Variants in POLN observed in about 807,000 individuals in gnomAD.
POLN encodes DNA polymerase nu, also known as DNA polymerase N.
Under a neutral mutation model 113.5 loss-of-function variants are expected in POLN, and 108 were observed. The ratio of observed to expected loss-of-function variants is 0.95; its 90% CI spans 0.81 to 1.12. The LOEUF (loss-of-function observed/expected upper bound fraction) is 1.12. Among genes scored for constraint, POLN ranks in the 50% most tolerant of loss-of-function variants. POLN has a pLI of 0.00. For synonymous variants in POLN, 386 were observed against 391.5 expected (o/e 0.99, Z 0.17); for missense variants, 1,097 against 1,077.1 (o/e 1.02, Z -0.26).
intron 16 of POLN, among the ~76,000 whole-genome samples, chr4:2,144,400 C>T (rs1732082445): frequency 6.6e-6 from 1 of 152,052 alleles, no homozygotes; most frequent in Non-Finnish European, 1.5e-5. Flanking sequence ...GCCTCAGCCT[C>T]CCCAAGTGCC....
intron 3 of POLN, among the ~76,000 whole-genome samples, chr4:2,213,608 G>A (rs1341982233): frequency 6.6e-6 from 1 of 152,182 alleles, no homozygotes; most frequent in Non-Finnish European, 1.5e-5. Flanking sequence ...CAGGCAATAG[G>A]ATTTGGGAGT....
At chr4:2,206,401 A>G (rs1733842570) in intron 5 of POLN, among the ~76,000 whole-genome samples, 1 of 152,256 alleles carries the variant, frequency 6.6e-6, no homozygotes, top group Non-Finnish European at 1.5e-5. Flanking sequence ...AATAGCTGGG[A>G]CTTAATTAAA....
chr4:2,156,580 C>T (rs961610136), intron 16 of POLN: 1 of 647,506 alleles, frequency 1.5e-6, no homozygotes, highest in Non-Finnish European at 2.8e-6. Flanking sequence ...AAGCCCCCCT[C>T]TTGCTAACTC....
At chr4:2,201,916 C>T (rs760787633) in intron 5 of POLN, among the ~76,000 whole-genome samples, 3 of 152,022 alleles carry the variant, frequency 2.0e-5, no homozygotes, top group South Asian at 2.1e-4. Context: ...TTGTATCCAA[C>T]GAAACTAAGC....
In POLN at chr4:2,129,174, C is replaced by T. The variant is rs969538141; in HGVS notation, c.1867+5G>A. The T allele has an allele frequency of 6.4e-6, 10 of 1,568,994 alleles. No homozygotes were observed. The highest frequency in any genetic ancestry group is 2.2e-5 in the East Asian group (1 of 44,592). On this transcript the variant is annotated splice_donor_5th_base_variant and intron_variant, in intron 18 of 25. Transcript: ENST00000511885. ...AAATGCATAAAGCAAGCTACAGCAA[C>T]GTACCTGCTGCTAGAAAGGTGTGGC...
intron 25 of POLN, 105 bp downstream of exon 25, chr4:2,072,863 C>A: frequency 4.0e-6 from 5 of 1,257,056 alleles, no homozygotes; most frequent in Non-Finnish European, 5.7e-6. Flanking sequence ...GTGGCCATCT[C>A]GGGGCTGGGG....
At chr4:2,082,588 G>A (rs576541005) in intron 21 of POLN, 2 of 152,288 alleles carry the variant, frequency 1.3e-5, no homozygotes, top group Admixed American at 1.3e-4. Flanking sequence ...ACTAGGTGTG[G>A]GTGGGAAATA....
chr4:2,186,399 T>C (rs993510880), intron 7 of POLN, among the ~76,000 whole-genome samples: 1 of 152,136 alleles, frequency 6.6e-6, no homozygotes, highest in East Asian at 1.9e-4. Context: ...GACCATGTTG[T>C]AGGAGGTACA....
In POLN at chr4:2,072,165, A is replaced by C; in HGVS notation, c.2652T>G (p.Pro884=). The C allele has an allele frequency of 6.2e-7, 1 of 1,611,966 alleles. No individual in the cohort carries two copies. The highest frequency in any genetic ancestry group is 8.5e-7 in the Non-Finnish European group (1 of 1,179,186). Residue 884 remains proline (P), a synonymous_variant, in exon 26 of 26, where the codon CCT becomes CCG. Transcript: ENST00000511885. ...PSNSLAAPGS[P]ASTQPPPLHF... ...GCAGGGGTGGGGGCTGGGTGCTGGC[A>C]GGGGACCCAGGGGCAGCCAGGCTGT... is the stretch of plus-strand genomic sequence containing the variant.
At position 2,093,891 on chromosome 4, in the gene POLN, G is replaced by C. The variant is rs981782953; in HGVS notation, c.2065+1960C>G. Among the ~76,000 whole-genome samples the C allele has an allele frequency of 6.6e-6, 1 of 152,192 alleles. No homozygotes were observed. The highest frequency in any genetic ancestry group is 1.5e-5 in the Non-Finnish European group (1 of 68,026). ...CCACCAAGTCCACTAATTTGTTCCT[G>C]TGTCTTCTCTGTGCCAGGCAGTGAG... On this transcript the variant is annotated intron_variant, in intron 20 of 25. Transcript: ENST00000511885. The surrounding 1 kb of genome is among the most constrained non-coding windows in gnomAD (Gnocchi z 4.1).
intron 19 of POLN, among the ~76,000 whole-genome samples, chr4:2,117,050 T>C (rs1277355942): frequency 6.6e-6 from 1 of 152,246 alleles, no homozygotes; most frequent in Non-Finnish European, 1.5e-5. Context: ...GGTTTATTTC[T>C]TATTCATGCA....
At chr4:2,183,472 A>C (rs763860289) in intron 7 of POLN, among the ~76,000 whole-genome samples, 1 of 152,260 alleles carries the variant, frequency 6.6e-6, no homozygotes, top group Non-Finnish European at 1.5e-5. Context: ...GTACTGATAC[A>C]TGCCACAACT....
At chr4:2,197,409 G>A (rs1483653098) in intron 6 of POLN, among the ~76,000 whole-genome samples, 1 of 152,212 alleles carries the variant, frequency 6.6e-6, no homozygotes, top group East Asian at 1.9e-4. Flanking sequence ...GGAAAGTAGA[G>A]AGAAGTCAGA....
chr4:2,224,275 G>A (rs1734331541), intron 3 of POLN, among the ~76,000 whole-genome samples: 1 of 152,148 alleles, frequency 6.6e-6, no homozygotes, highest in Admixed American at 6.5e-5. Context: ...CCCCCTGGAA[G>A]GTCTTCAGAG....
chr4:2,164,487 G>A (rs1732677311), intron 13 of POLN, among the ~76,000 whole-genome samples: 1 of 130,968 alleles, frequency 7.6e-6, no homozygotes, highest in African/African-American at 3.0e-5. Flanking sequence ...GGCAACAAGA[G>A]TGAAACTCTG....
At chr4:2,239,929 T>C (rs1734909309) in intron 2 of POLN, 1 of 811,578 alleles carries the variant, frequency 1.2e-6, no homozygotes, top group Non-Finnish European at 2.0e-6. Flanking sequence ...GAAAATAAAA[T>C]GTAATCTCTT....
intron 2 of POLN, among the ~76,000 whole-genome samples, chr4:2,237,373 T>C (rs1045583274): frequency 6.8e-6 from 1 of 146,306 alleles, no homozygotes; most frequent in Non-Finnish European, 1.5e-5. Context: ...GAGCTGGAGG[T>C]TGCAGTGAGC....
In POLN at chr4:2,242,087, C is replaced by T. The variant is rs1735013025; in HGVS notation, c.-320G>A. 1.0e-6 allele frequency: 1 copy of T among 985,906 alleles called. No individual in the cohort carries two copies. Among genetic ancestry groups the T allele is most frequent in the African/African-American group, 1.7e-5 (1 of 57,376 alleles). 61.1% of individuals were successfully genotyped at this position (985,906 alleles called of 1,614,324 possible). ...CCGCTTGCTTCTCGCAGGAGCCCGC[C>T]GCCACCGCCCTCCGTGCCCCGCGCG... On this transcript the variant is annotated 5_prime_UTR_variant, in exon 1 of 26. Coordinates refer to ENST00000511885, the MANE Select transcript of POLN (RefSeq NM_181808.4).
intron 16 of POLN, among the ~76,000 whole-genome samples, chr4:2,132,976 T>C (rs1484066702): frequency 1.3e-5 from 2 of 152,152 alleles, no homozygotes; most frequent in African/African-American, 2.4e-5. Context: ...TGTAAGCCTT[T>C]TGCATCTTAT....
Sources: allele counts gnomAD v4.1 joint callset (sites outside exome capture counted in the v4.1 genomes callset), GRCh38; gene constraint gnomAD v4.1.1; non-coding constraint Gnocchi (gnomAD v3.1); transcripts MANE v1.5; gene names NCBI Gene and HGNC (gene_info 2026-07-23, HGNC 2026-07-21).